Variants in CUBN observed in about 807,000 individuals in gnomAD.
The protein encoded by CUBN is cubilin, also known as 460 kDa receptor.
CUBN carries 282 observed loss-of-function variants against 405.3 expected under a neutral mutation model. That is an observed-to-expected ratio of 0.70 (90% confidence interval 0.63 to 0.77). CUBN has a LOEUF of 0.77. CUBN is among the 30% of genes least tolerant of loss of function. The pLI is 0.00. For synonymous variants in CUBN, 1,684 were observed against 1,617.0 expected, an observed-to-expected ratio of 1.04 and a Z score of -0.99; for missense variants, 4,514 against 4,475.2, an observed-to-expected ratio of 1.01 and a Z score of -0.25.
At chr10:17,039,288 G>A (rs937877240) in intron 27 of CUBN, among the ~76,000 whole-genome samples, 10 of 152,174 alleles carry the variant, frequency 6.6e-5, no homozygotes, top group Non-Finnish European at 8.8e-5. Context: ...GTACAAAAAC[G>A]CCAGTTTGGA....
Position 17,019,955 on chromosome 10 carries a change from C to A in CUBN, c.4046G>T (p.Arg1349Leu), listed in dbSNP as rs1390620010. 18 of 1,613,982 alleles carry A rather than the reference C, an allele frequency of 1.1e-5. No homozygotes were observed. Among genetic ancestry groups the A allele is most frequent in the Non-Finnish European group, 1.4e-5 (17 of 1,179,982 alleles). ...ELYDGPRQMGRYCGVDLPPPG... is the reference protein window; with the variant it reads ...ELYDGPRQMGLYCGVDLPPPG... ...AGGGGGCAGGTCTACTCCACAGTAG[C>A]GTCCCATCTGCCGTGGTCCATCATA... Residue 1349 changes from arginine (R) to leucine (L), a missense_variant, in exon 28 of 67, where the codon CGC becomes CTC. This residue lies in a region of CUBN where 242 missense variants were observed against 309.0 expected (regional missense o/e 0.78). Transcript: ENST00000377833.
chr10:17,052,759 C>CAAAAA (rs10574636), intron 22 of CUBN, among the ~76,000 whole-genome samples: 9 of 55,086 alleles, frequency 1.6e-4, no homozygotes, highest in Non-Finnish European at 2.9e-4. Flanking sequence ...GACTCAGTCT[C>CAAAAA]AAAAAAAAAA....
chr10:17,007,589 G>C (rs1834062084), intron 28 of CUBN, among the ~76,000 whole-genome samples: 1 of 151,700 alleles, frequency 6.6e-6, no homozygotes, highest in South Asian at 2.1e-4. Flanking sequence ...TTGGTGTTTG[G>C]AGATCGTACT....
intron 7 of CUBN, among the ~76,000 whole-genome samples, 190 bp downstream of exon 7, chr10:17,115,281 G>A (rs1217587569): frequency 6.6e-6 from 1 of 150,584 alleles, no homozygotes; most frequent in Non-Finnish European, 1.5e-5. Flanking sequence ...TTTACATAAT[G>A]ACATCTTAAT....
intron 66 of CUBN, among the ~76,000 whole-genome samples, chr10:16,825,738 C>T (rs866284476): frequency 8.3e-4 from 125 of 150,166 alleles, no homozygotes; most frequent in African/African-American, 3.0e-3. Flanking sequence ...AAATATTGAT[C>T]AAGGCACTGC....
chr10:16,965,962 C>A (rs1385256145), intron 31 of CUBN: 2 of 471,002 alleles, frequency 4.2e-6, no homozygotes, highest in Non-Finnish European at 8.8e-6. Context: ...TGACGTCCGA[C>A]CAAGTATGAT....
intron 59 of CUBN, among the ~76,000 whole-genome samples, chr10:16,868,038 T>C (rs1464069913): frequency 6.6e-6 from 1 of 152,218 alleles, no homozygotes; most frequent in African/African-American, 2.4e-5. Context: ...ATATATCCCT[T>C]TTTTGTGCAA....
intron 60 of CUBN, among the ~76,000 whole-genome samples, chr10:16,847,157 A>T (rs1458079425): frequency 6.6e-6 from 1 of 152,006 alleles, no homozygotes; most frequent in Non-Finnish European, 1.5e-5. Flanking sequence ...AATGTCCGTT[A>T]TTTAAATGTG....
At chr10:16,965,279 G>A (rs773838351) in intron 31 of CUBN, among the ~76,000 whole-genome samples, 10 of 152,226 alleles carry the variant, frequency 6.6e-5, no homozygotes, top group Non-Finnish European at 1.5e-4. Context: ...AGTGCACAGC[G>A]TGCGCTTTCT....
intron 27 of CUBN, among the ~76,000 whole-genome samples, chr10:17,021,052 C>T (rs991452769): frequency 6.6e-6 from 1 of 152,104 alleles, no homozygotes; most frequent in African/African-American, 2.4e-5. Flanking sequence ...CTAGTACTGA[C>T]AGTGAAAAAC....
At chr10:16,980,032 G>C (rs1406270747) in intron 31 of CUBN, among the ~76,000 whole-genome samples, 1 of 152,096 alleles carries the variant, frequency 6.6e-6, no homozygotes, top group East Asian at 1.9e-4. Flanking sequence ...AGTGGGCAAA[G>C]GATATGAACA....
chr10:17,111,082 TC>T, intron 8 of CUBN, 32 bp from the exon 9 acceptor site: 1 of 1,613,030 alleles, frequency 6.2e-7, no homozygotes, highest in African/African-American at 1.3e-5. Flanking sequence ...AAAGTTTAGC[TC>T]TATAGACAAG....
intron 22 of CUBN, among the ~76,000 whole-genome samples, chr10:17,063,926 G>C (rs1384921277): frequency 6.6e-6 from 1 of 152,176 alleles, no homozygotes; most frequent in Non-Finnish European, 1.5e-5. Context: ...CAAGTGACTT[G>C]CTCCAAATCC....
At chr10:16,833,345 C>T in intron 64 of CUBN, among the ~76,000 whole-genome samples, 1 of 152,184 alleles carries the variant, frequency 6.6e-6, no homozygotes, top group East Asian at 1.9e-4. Context: ...TTCCTCCCTG[C>T]TATATACATC....
At chr10:17,088,638 T>C (rs537114673) in intron 14 of CUBN, among the ~76,000 whole-genome samples, 1 of 152,336 alleles carries the variant, frequency 6.6e-6, no homozygotes, top group Non-Finnish European at 1.5e-5. Context: ...AATACCAGGA[T>C]TGTAGAGTCA....
intron 22 of CUBN, among the ~76,000 whole-genome samples, chr10:17,051,871 C>T (rs1233747081): frequency 6.6e-6 from 1 of 151,304 alleles, no homozygotes; most frequent in East Asian, 1.9e-4. Context: ...TAAAAATGGG[C>T]CAAAAAAGGA....
chr10:16,955,142 G>T (rs918973753), intron 31 of CUBN, among the ~76,000 whole-genome samples: 1 of 151,974 alleles, frequency 6.6e-6, no homozygotes, highest in Non-Finnish European at 1.5e-5. Context: ...AGGCTGAGGC[G>T]GGTGGATCAC....
chr10:17,110,822 C>A, intron 9 of CUBN, 97 bp downstream of exon 9: 1 of 1,580,964 alleles, frequency 6.3e-7, no homozygotes, highest in Admixed American at 1.7e-5. Flanking sequence ...TGCACTCAGC[C>A]AGAAATCATA....
intron 13 of CUBN, among the ~76,000 whole-genome samples, chr10:17,101,126 T>C (rs2131297202): frequency 6.6e-6 from 1 of 152,314 alleles, no homozygotes; most frequent in East Asian, 1.9e-4. Flanking sequence ...TAGGGTATTT[T>C]AAGATCAGTT....
Sources: allele counts gnomAD v4.1 joint callset (sites outside exome capture counted in the v4.1 genomes callset), GRCh38; gene constraint gnomAD v4.1.1; regional missense constraint gnomAD v4.1.1; transcripts MANE v1.5; gene names NCBI Gene and HGNC (gene_info 2026-07-23, HGNC 2026-07-21).